The following EPHA6 variants were observed in gnomAD, a reference collection of about 807,000 sequenced individuals.
EPHA6 encodes the protein ephrin type-A receptor 6.
In EPHA6, 50 loss-of-function variants were observed where a neutral mutation model predicts 112.0. That is an observed-to-expected ratio of 0.45 (90% CI 0.36 to 0.56). The LOEUF (loss-of-function observed/expected upper bound fraction) is 0.56. EPHA6 is among the 20% of genes least tolerant of loss of function. The pLI, the probability that EPHA6 is intolerant of heterozygous loss-of-function variation, is 0.00. For synonymous variants in EPHA6, 529 were observed against 490.7 expected, an observed-to-expected ratio of 1.08 and a Z score of -1.03; for missense variants, 1,280 against 1,417.4, an observed-to-expected ratio of 0.90 and a Z score of 1.56.
intron 6 of EPHA6, among the ~76,000 whole-genome samples, chr3:97,415,764 CAA>C (rs972699219): frequency 2.0e-5 from 3 of 151,996 alleles, no homozygotes; most frequent in African/African-American, 7.2e-5. Context: ...TGATCAGTAA[CAA>C]AATATCTGTA....
chr3:97,491,773 C>T (rs1311371562), intron 10 of EPHA6, among the ~76,000 whole-genome samples: 2 of 151,840 alleles, frequency 1.3e-5, no homozygotes, highest in Non-Finnish European at 2.9e-5. Context: ...AATGTCGGCC[C>T]TGTGAGTTGT....
intron 3 of EPHA6, among the ~76,000 whole-genome samples, chr3:97,196,067 T>G (rs1367416311): frequency 2.6e-5 from 4 of 151,858 alleles, no homozygotes; most frequent in Admixed American, 1.3e-4. Context: ...TAAATAAACT[T>G]TCTACCCAGA....
At chr3:96,958,938 C>CT (rs1322974804) in intron 2 of EPHA6, among the ~76,000 whole-genome samples, 1 of 152,120 alleles carries the variant, frequency 6.6e-6, no homozygotes, top group East Asian at 1.9e-4. Context: ...GTTGTTTTCA[C>CT]TTTTTTCTAG....
At chr3:97,344,305 G>T (rs1279926150) in intron 5 of EPHA6, among the ~76,000 whole-genome samples, 1 of 152,124 alleles carries the variant, frequency 6.6e-6, no homozygotes, top group Non-Finnish European at 1.5e-5. Context: ...GGACTGAATT[G>T]TGTCCCCCTG....
intron 11 of EPHA6, among the ~76,000 whole-genome samples, chr3:97,567,178 G>T (rs1020295931): frequency 6.6e-6 from 1 of 152,136 alleles, no homozygotes; most frequent in Non-Finnish European, 1.5e-5. Flanking sequence ...AGATCTAATT[G>T]TATGGCCTTG....
rs1043793302 is a variant in EPHA6, at chr3:97,753,887, C to T, written c.*5186C>T. Among the ~76,000 whole-genome samples, 8 of 151,810 alleles carry T rather than the reference C, an allele frequency of 5.3e-5. No individual in the cohort carries two copies. The highest frequency in any genetic ancestry group is 1.2e-4 in the Non-Finnish European group (8 of 67,958). ...CTGATGAGATGTAGCAAAGATTTCT[C>T]AGGATAAAAATTAACTTTTTTTGTT... On this transcript the variant is annotated 3_prime_UTR_variant, in exon 18 of 18. Transcript: ENST00000389672.
At chr3:97,507,353 A>C (rs1032544897) in intron 10 of EPHA6, among the ~76,000 whole-genome samples, 3 of 152,180 alleles carry the variant, frequency 2.0e-5, no homozygotes, top group African/African-American at 7.2e-5. Context: ...TACCTAGTTT[A>C]TTCAGAGTTT....
intron 5 of EPHA6, among the ~76,000 whole-genome samples, chr3:97,290,157 G>A (rs561130074): frequency 9.1e-4 from 138 of 151,802 alleles, no homozygotes; most frequent in Non-Finnish European, 1.7e-3. Context: ...GATGGGTCCC[G>A]GTTTTCATTT....
At chr3:97,001,551 T>C (rs1299810384) in intron 3 of EPHA6, among the ~76,000 whole-genome samples, 1 of 152,020 alleles carries the variant, frequency 6.6e-6, no homozygotes, top group African/African-American at 2.4e-5. Context: ...AATTTGACTT[T>C]TATAAATAGT....
chr3:96,991,609 T>G (rs1226206758), intron 3 of EPHA6, among the ~76,000 whole-genome samples: 1 of 152,162 alleles, frequency 6.6e-6, no homozygotes, highest in Non-Finnish European at 1.5e-5. Flanking sequence ...TGACAATACA[T>G]TATTTTACAG....
intron 10 of EPHA6, among the ~76,000 whole-genome samples, chr3:97,522,398 C>T (rs909439762): frequency 6.6e-6 from 1 of 152,174 alleles, no homozygotes; most frequent in African/African-American, 2.4e-5. Context: ...GGGATAAATT[C>T]CAGTTGATCA....
chr3:97,222,257 T>C (rs1161343107), intron 3 of EPHA6, among the ~76,000 whole-genome samples: 1 of 152,094 alleles, frequency 6.6e-6, no homozygotes, highest in Non-Finnish European at 1.5e-5. Flanking sequence ...AGAATGTGAG[T>C]GCCTCAATAA....
At chr3:97,707,261 T>C (rs1320420620) in intron 14 of EPHA6, among the ~76,000 whole-genome samples, 1 of 152,200 alleles carries the variant, frequency 6.6e-6, no homozygotes, top group African/African-American at 2.4e-5. Flanking sequence ...ATTATAATCA[T>C]AGCACCATAC....
chr3:97,222,604 ACTAT>A (rs1412414758), intron 3 of EPHA6, among the ~76,000 whole-genome samples: 1 of 152,234 alleles, frequency 6.6e-6, no homozygotes, highest in East Asian at 1.9e-4. Context: ...CAAGATATTT[ACTAT>A]CTGTTTTCAT....
At chr3:96,947,355 G>A (rs1271163760) in intron 2 of EPHA6, among the ~76,000 whole-genome samples, 3 of 152,090 alleles carry the variant, frequency 2.0e-5, no homozygotes, top group East Asian at 3.8e-4. Flanking sequence ...ATTAATTTTT[G>A]TATAAGGCAT....
intron 2 of EPHA6, among the ~76,000 whole-genome samples, chr3:96,882,789 T>A (rs1484453546): frequency 6.6e-6 from 1 of 150,746 alleles, no homozygotes; most frequent in African/African-American, 2.4e-5. Context: ...CATCAATCTA[T>A]GTGATATATA....
chr3:97,632,502 C>T (rs912721880), intron 13 of EPHA6, among the ~76,000 whole-genome samples: 7 of 151,710 alleles, frequency 4.6e-5, no homozygotes, highest in African/African-American at 1.7e-4. Flanking sequence ...TTTTTGCTTC[C>T]CACATTGACT....
intron 3 of EPHA6, among the ~76,000 whole-genome samples, chr3:96,998,741 GAGAA>G (rs947792913): frequency 2.0e-5 from 3 of 151,656 alleles, no homozygotes; most frequent in East Asian, 1.9e-4. Context: ...TTTTTAACCT[GAGAA>G]AGAGAGAGAC....
At chr3:97,301,567 A>G (rs1056281816) in intron 5 of EPHA6, among the ~76,000 whole-genome samples, 1 of 152,144 alleles carries the variant, frequency 6.6e-6, no homozygotes, top group Non-Finnish European at 1.5e-5. Context: ...CAAACAGCTT[A>G]TAAGTATTGG....
Sources: allele counts gnomAD v4.1 joint callset (sites outside exome capture counted in the v4.1 genomes callset), GRCh38; gene constraint gnomAD v4.1.1; transcripts MANE v1.5; gene names NCBI Gene and HGNC (gene_info 2026-07-23, HGNC 2026-07-21).